The following NRDE2 variants were observed in gnomAD, a reference collection of about 807,000 sequenced individuals.
The protein encoded by NRDE2 is NRDE-2, necessary for RNA interference, domain containing, also known as nuclear exosome regulator NRDE2.
NRDE2 carries 76 observed loss-of-function variants against 124.2 expected under a neutral mutation model. The observed-to-expected ratio is 0.61, with a 90% CI of 0.51 to 0.74. The LOEUF (loss-of-function observed/expected upper bound fraction) is 0.74, where lower values mean the gene tolerates loss of function less well. Among genes scored for constraint, NRDE2 ranks in the 30% least tolerant of loss-of-function variants. NRDE2 has a pLI of 0.00. For synonymous variants in NRDE2, 489 were observed against 528.1 expected, an observed-to-expected ratio of 0.93 and a Z score of 1.01; for missense variants, 1,314 against 1,417.3, an observed-to-expected ratio of 0.93 and a Z score of 1.17.
chr14:90,298,285 T>C lies in NRDE2; in HGVS notation c.1641A>G (p.Arg547=), dbSNP rs754505942. ...CTGGGTTGATGACCACCCAGCCACC[T>C]CGTTCCTGCTGGTGCATCCACGCCT... ...GWKAWMHQQE[R]GGWVVINPDE... The change falls in exon 8 of 14, where the codon CGA becomes CGG. Residue 547 remains arginine, a synonymous_variant. Transcript: ENST00000354366. The C allele has an allele frequency of 6.2e-7, 1 of 1,613,656 alleles. No individual in the cohort carries two copies. Among genetic ancestry groups the C allele is most frequent in the Non-Finnish European group, 8.5e-7 (1 of 1,179,968 alleles).
At chr14:90,290,735 G>A (rs1279480167) in intron 9 of NRDE2, 128 bp from the exon 10 acceptor site, 2 of 1,160,956 alleles carry the variant, frequency 1.7e-6, no homozygotes, top group Non-Finnish European at 2.4e-6. Context: ...AAACAGACAG[G>A]AGCTAAGCTC....
Position 90,298,378 on chromosome 14 carries a change from C to T in NRDE2, c.1548G>A (p.Val516=), listed in dbSNP as rs967233516. 1.2e-6 allele frequency: 2 copies of T among 1,613,784 alleles called. No homozygotes were observed. Among genetic ancestry groups the T allele is most frequent in the South Asian group, 1.1e-5 (1 of 91,086 alleles). ...TGTCCCAAAAGGGTTCAAAGAATTC[C>T]ACCTGTTCAGATTTTAGAATGGACG... ...SVKDLPTKGQ[V]EFFEPFWDSG... The change falls in exon 8 of 14, where the codon GTG becomes GTA. Residue 516 remains valine (V), a splice_region_variant and synonymous_variant. Transcript: ENST00000354366.
chr14:90,302,684 C>T, intron 6 of NRDE2, 36 bp downstream of exon 6: 1 of 1,516,406 alleles, frequency 6.6e-7, no homozygotes, highest in Non-Finnish European at 8.8e-7. Context: ...GAAAGTCTAA[C>T]TCCTCCCACG....
chr14:90,321,953 C>T (rs908110718), intron 1 of NRDE2, among the ~76,000 whole-genome samples: 1 of 152,120 alleles, frequency 6.6e-6, no homozygotes, highest in African/African-American at 2.4e-5. Flanking sequence ...CAGAGCACAG[C>T]CTGGACACCA....
rs552830245 is a variant in NRDE2, at chr14:90,268,884, A to T, written c.*9452T>A. 1 of 159,594 alleles carries T rather than the reference A, an allele frequency of 6.3e-6. No individual in the cohort carries two copies. The highest frequency in any genetic ancestry group is 2.4e-5 in the African/African-American group (1 of 41,722). The allele number at this position is 159,594 out of a possible 1,614,324, so 9.9% of individuals were successfully genotyped here. On this transcript the variant is annotated 3_prime_UTR_variant, in exon 14 of 14. Coordinates refer to ENST00000354366, the MANE Select transcript of NRDE2 (RefSeq NM_017970.4). ...GGACTGGTATTTGTATAAAGAATAG[A>T]AATGTATTTCCCACAGTTCTGGAGG...
At position 90,318,099 on chromosome 14, in the gene NRDE2, T is replaced by A. The variant is rs1327970712; in HGVS notation, c.79A>T (p.Ser27Cys). ...GATCCAACACAAAAGCTTGGGTTGC[T>A]CAGCCAGTCTAACTCTGCACAGGCA... ...GSSRKELDWL[S>C]NPSFCVGSIT... The change falls in exon 2 of 14, where the codon AGC becomes TGC. Residue 27 changes from serine (S) to cysteine (C), a missense_variant. Transcript: ENST00000354366. 1 of 1,613,626 alleles carries A rather than the reference T, an allele frequency of 6.2e-7. No individual in the cohort carries two copies. Among genetic ancestry groups the A allele is most frequent in the Non-Finnish European group, 8.5e-7 (1 of 1,179,754 alleles).
intron 11 of NRDE2, 106 bp from the exon 12 acceptor site, chr14:90,286,598 A>G (rs1184348909): frequency 1.4e-6 from 2 of 1,405,378 alleles, no homozygotes; most frequent in Non-Finnish European, 1.9e-6. Flanking sequence ...ACCAGATCAG[A>G]CAGACTCAGG....
At chr14:90,284,740 T>C (rs1001656430) in intron 12 of NRDE2, among the ~76,000 whole-genome samples, 5 of 152,194 alleles carry the variant, frequency 3.3e-5, no homozygotes, top group Admixed American at 6.5e-5. Context: ...TGAGTACCCC[T>C]GAACTAAAGC....
In NRDE2 at chr14:90,292,659, C is replaced by A. The variant is rs752161068; in HGVS notation, c.1842+38G>T. 3.8e-6 allele frequency: 6 copies of A among 1,596,256 alleles called. No homozygotes were observed. In the South Asian group the frequency reaches 6.7e-5, roughly 18 times the overall value. On this transcript the variant is annotated intron_variant, in intron 9 of 13. Transcript: ENST00000354366. ...TGGGAATGGAAAGCAGGCAGGGACC[C>A]CCTGGACAGCTTCCTGCCTGGGGCG...
At chr14:90,321,414 A>G (rs1195077002) in intron 1 of NRDE2, among the ~76,000 whole-genome samples, 2 of 151,732 alleles carry the variant, frequency 1.3e-5, no homozygotes, top group African/African-American at 2.4e-5. Flanking sequence ...ACTGTGGGGG[A>G]AAAAAATTCA....
At chr14:90,287,562 A>C (rs1357021380) in intron 11 of NRDE2, among the ~76,000 whole-genome samples, 1 of 152,194 alleles carries the variant, frequency 6.6e-6, no homozygotes, top group African/African-American at 2.4e-5. Flanking sequence ...TCAAGGCTGC[A>C]GTGAGCTGAG....
Position 90,331,916 on chromosome 14 carries a change from G to T in NRDE2, c.-12C>A. 1 of 1,614,008 alleles carries T rather than the reference G, an allele frequency of 6.2e-7. No homozygotes were observed. Among genetic ancestry groups the T allele is most frequent in the Non-Finnish European group, 8.5e-7 (1 of 1,180,028 alleles). On this transcript the variant is annotated 5_prime_UTR_variant, in exon 1 of 14. Transcript: ENST00000354366. ...GGGAACAGCGCCATGACCACAGGCCGTACCTCCGTTCTTCTCTATAGGGAT... is the reference window on the plus strand; with the variant it reads ...GGGAACAGCGCCATGACCACAGGCCTTACCTCCGTTCTTCTCTATAGGGAT...
intron 12 of NRDE2, among the ~76,000 whole-genome samples, chr14:90,283,079 G>C (rs542812913): frequency 1.3e-5 from 2 of 151,966 alleles, no homozygotes; most frequent in Non-Finnish European, 2.9e-5. Flanking sequence ...CCTTCCCCCC[G>C]GCCTGCGAGG....
At chr14:90,309,346 G>C (rs150414287) in intron 4 of NRDE2, among the ~76,000 whole-genome samples, 1 of 151,278 alleles carries the variant, frequency 6.6e-6, no homozygotes, top group Non-Finnish European at 1.5e-5. Flanking sequence ...GGTAGCACTC[G>C]CCTGTAGTCC....
chr14:90,302,720 C>A lies in NRDE2; in HGVS notation c.1411G>T (p.Ala471Ser), dbSNP rs1345386582. The A allele has an allele frequency of 2.5e-6, 4 of 1,595,422 alleles. No homozygotes were observed. Among genetic ancestry groups the A allele is most frequent in the Middle Eastern group, 1.7e-4 (1 of 5,954 alleles). ...ALPGTEEAMFALFLQQCHFLR... is the reference protein window; with the variant it reads ...ALPGTEEAMFSLFLQQCHFLR... ...TAACTGGATCTGGTTATCTCCTTAC[C>A]AAACATGGCCTCTTCCGTGCCAGGC... is the stretch of plus-strand genomic sequence containing the variant. Residue 471 changes from alanine (A) to serine (S), a missense_variant and splice_region_variant, in exon 6 of 14, where the codon GCA (alanine) becomes TCA (serine). By Grantham distance (99) the Ala-to-Ser change is moderately conservative. Transcript: ENST00000354366.
chr14:90,284,674 G>C (rs891728129), intron 12 of NRDE2, among the ~76,000 whole-genome samples: 1 of 152,062 alleles, frequency 6.6e-6, no homozygotes, highest in African/African-American at 2.4e-5. Flanking sequence ...TGGCCAGGAA[G>C]ATCACTTTTG....
In NRDE2 at chr14:90,272,443, A is replaced by G; in HGVS notation, c.*5893T>C. 6.6e-7 allele frequency: 1 copy of G among 1,514,300 alleles called. No homozygotes were observed. The highest frequency in any genetic ancestry group is 8.9e-7 in the Non-Finnish European group (1 of 1,122,466). The allele number at this position is 1,514,300 out of a possible 1,614,324, so 93.8% of individuals were successfully genotyped here. On this transcript the variant is annotated 3_prime_UTR_variant, in exon 14 of 14. Transcript: ENST00000354366. The surrounding 1 kb of genome is among the most constrained non-coding windows in gnomAD (Gnocchi z 4.5). Reference sequence around the variant, plus strand: ...CTGTCATCAGGAAAATGGTTGGGAGATTTCTCAATCCCTGAAAGGGATGAG... The same window carrying G: ...CTGTCATCAGGAAAATGGTTGGGAGGTTTCTCAATCCCTGAAAGGGATGAG...
Position 90,277,295 on chromosome 14 carries a change from T to C in NRDE2, c.*1041A>G, listed in dbSNP as rs1431923629. 6.6e-6 allele frequency: 1 copy of C among 152,142 alleles called. No homozygotes were observed. Among genetic ancestry groups the C allele is most frequent in the African/African-American group, 2.4e-5 (1 of 41,402 alleles). The allele number at this position is 152,142 out of a possible 1,614,324, so 9.4% of individuals were successfully genotyped here. On this transcript the variant is annotated 3_prime_UTR_variant, in exon 14 of 14. Coordinates refer to ENST00000354366, the MANE Select transcript of NRDE2 (RefSeq NM_017970.4). The stretch of plus-strand genomic sequence containing the variant: ...AAAATTATACACTGGCTTTTCTAAA[T>C]GTGCTGAGGAGATACAAGTATACAG...
rs767729512 is a variant in NRDE2, at chr14:90,288,249, T to C, written c.3126A>G (p.Lys1042=). 1 of 1,614,100 alleles carries C rather than the reference T, an allele frequency of 6.2e-7. No individual in the cohort carries two copies. The highest frequency in any genetic ancestry group is 1.3e-5 in the African/African-American group (1 of 75,014). Residue 1042 remains lysine, a synonymous_variant, in exon 11 of 14, where the codon AAA becomes AAG. Transcript: ENST00000354366. ...EPWLFAIEAE[K]LRKRLVETVQ... is the part of the protein sequence containing the mutation. ...CAGTTTCCACCAGTCTCTTCCTCAG[T>C]TTCTCAGCTTCAATTGCAAACAACC...
Sources: gnomAD v4.1 joint callset for allele counts (sites outside exome capture counted in the v4.1 genomes callset) on GRCh38, gnomAD v4.1.1 for gene constraint, Gnocchi (gnomAD v3.1) non-coding constraint, MANE v1.5 for transcripts, NCBI Gene and HGNC (gene_info 2026-07-23, HGNC 2026-07-21) for gene names.